Variants in SCN3B observed in about 807,000 individuals in gnomAD.
SCN3B encodes the protein sodium voltage-gated channel beta subunit 3, also known as sodium channel regulatory subunit beta-3.
A neutral mutation model predicts 25.4 loss-of-function variants in SCN3B; 11 were observed. The observed-to-expected ratio is 0.43, with a 90% CI of 0.27 to 0.72. The LOEUF (loss-of-function observed/expected upper bound fraction) is 0.72, where lower values mean the gene tolerates loss of function less well. Ranked by LOEUF, SCN3B falls within the 30% of genes least tolerant of loss-of-function variation. The probability of loss-of-function intolerance (pLI) is 0.18; values close to 1 mark genes in which losing one functional copy is unlikely to be tolerated. For synonymous variants in SCN3B, 109 were observed against 110.7 expected, an observed-to-expected ratio of 0.99 and a Z score of 0.09; for missense variants, 218 against 278.3, an observed-to-expected ratio of 0.78 and a Z score of 1.54.
rs1214314797 is a variant in SCN3B, at chr11:123,631,563, C to T, written c.*2236G>A. The T allele has an allele frequency of 6.6e-6, 1 of 152,188 alleles. No individual in the cohort carries two copies. The highest frequency in any genetic ancestry group is 1.5e-5 in the Non-Finnish European group (1 of 68,044). The allele number at this position is 152,188 out of a possible 1,614,324, so 9.4% of individuals were successfully genotyped here. A position where few individuals can be genotyped will look rare whatever the true frequency, so the allele number is the denominator to read the frequency against. Reference sequence around the variant, plus strand: ...TGGTTTTGGGCCAGGCACAGTTGCTCAGGCCTGTAATCCCAGCACTTTGAG... The same window carrying T: ...TGGTTTTGGGCCAGGCACAGTTGCTTAGGCCTGTAATCCCAGCACTTTGAG... On this transcript the variant is annotated 3_prime_UTR_variant, in exon 7 of 7. Transcript: ENST00000299333.
At chr11:123,639,831 T>C (rs1415386817) in intron 4 of SCN3B, 1 of 152,246 alleles carries the variant, frequency 6.6e-6, no homozygotes, top group East Asian at 1.9e-4. Context: ...TAAGTACTTA[T>C]TGAATGAGTG....
chr11:123,653,087 C>T (rs1565499441), intron 2 of SCN3B, among the ~76,000 whole-genome samples: 1 of 151,888 alleles, frequency 6.6e-6, no homozygotes, highest in Non-Finnish European at 1.5e-5. Flanking sequence ...GGCAAAAACC[C>T]AGCTCTCCTC....
chr11:123,644,838 T>TAC (rs1955835374), intron 3 of SCN3B, among the ~76,000 whole-genome samples: 7 of 126,336 alleles, frequency 5.5e-5, no homozygotes, highest in Admixed American at 1.6e-4. Context: ...TATATATATA[T>TAC]ATACACACAC....
intron 5 of SCN3B, among the ~76,000 whole-genome samples, chr11:123,637,591 C>T (rs1372066994): frequency 3.3e-5 from 5 of 152,228 alleles, no homozygotes; most frequent in African/African-American, 9.6e-5. Context: ...AGCAGTGGCA[C>T]GATCTCAGCT....
chr11:123,635,178 GT>G (rs1225416036), intron 5 of SCN3B, among the ~76,000 whole-genome samples: 2 of 152,264 alleles, frequency 1.3e-5, no homozygotes, highest in African/African-American at 4.8e-5. Flanking sequence ...ATCTAATTTT[GT>G]TTTGTGTTTT....
At chr11:123,649,196 A>C (rs1411684110) in intron 2 of SCN3B, among the ~76,000 whole-genome samples, 1 of 152,232 alleles carries the variant, frequency 6.6e-6, no homozygotes, top group Non-Finnish European at 1.5e-5. Context: ...ATCTTTGAAA[A>C]GGTGAGAGGT....
At chr11:123,645,482 A>T (rs1955844156) in intron 3 of SCN3B, 105 bp downstream of exon 3, 4 of 1,138,314 alleles carry the variant, frequency 3.5e-6, no homozygotes, top group Non-Finnish European at 5.3e-6. Flanking sequence ...TTTGGAAGAG[A>T]AGGAGCCAGT....
In SCN3B at chr11:123,631,018, C is replaced by T; in HGVS notation, c.*2781G>A. ...CTCAGTTTCTTCTTTTGTAATGTGA[C>T]CTCACAGGACCAGTTATAGAGAAGA... On this transcript the variant is annotated 3_prime_UTR_variant, in exon 7 of 7. Transcript: ENST00000299333. 1 of 152,124 alleles carries T rather than the reference C, an allele frequency of 6.6e-6. No individual in the cohort carries two copies. Among genetic ancestry groups the T allele is most frequent in the East Asian group, 1.9e-4 (1 of 5,188 alleles). The allele number at this position is 152,124 out of a possible 1,614,324, so 9.4% of individuals were successfully genotyped here. A position where few individuals can be genotyped will look rare whatever the true frequency, so the allele number is the denominator to read the frequency against.
intron 3 of SCN3B, among the ~76,000 whole-genome samples, chr11:123,644,369 A>G (rs1433991972): frequency 6.6e-6 from 1 of 152,238 alleles, no homozygotes; most frequent in East Asian, 1.9e-4. Flanking sequence ...AACATGTCCA[A>G]GGACACAGAG....
chr11:123,650,920 T>C (rs1955917841), intron 2 of SCN3B, among the ~76,000 whole-genome samples: 1 of 152,104 alleles, frequency 6.6e-6, no homozygotes, highest in Admixed American at 6.5e-5. Context: ...TATAGGGTTT[T>C]ATTTATTTAT....
intron 2 of SCN3B, among the ~76,000 whole-genome samples, chr11:123,650,341 T>C (rs940168482): frequency 6.6e-6 from 1 of 152,190 alleles, no homozygotes; most frequent in Non-Finnish European, 1.5e-5. Context: ...CTGAGATTGC[T>C]CTAGAATGCT....
chr11:123,633,969 C>T, intron 6 of SCN3B, 152 bp downstream of exon 6: 1 of 651,266 alleles, frequency 1.5e-6, no homozygotes, highest in Non-Finnish European at 2.8e-6. Flanking sequence ...AGCTTTCTGA[C>T]TTAAAGAATT....
chr11:123,634,001 G>A, intron 6 of SCN3B, 120 bp downstream of exon 6: 1 of 762,666 alleles, frequency 1.3e-6, no homozygotes. Flanking sequence ...GGGGACCCCA[G>A]GCAGGGTAGA....
At chr11:123,640,241 C>T (rs1565495242) in intron 4 of SCN3B, 1 of 152,362 alleles carries the variant, frequency 6.6e-6, no homozygotes, top group African/African-American at 2.4e-5. Flanking sequence ...TTAAAGCATG[C>T]TCTCTCTTTC....
At chr11:123,644,808 T>G (rs1196539842) in intron 3 of SCN3B, among the ~76,000 whole-genome samples, 27 of 56,720 alleles carry the variant, frequency 4.8e-4, no homozygotes, top group African/African-American at 2.4e-3. Context: ...AGAATATATA[T>G]ATATATATAT....
intron 3 of SCN3B, among the ~76,000 whole-genome samples, chr11:123,644,882 T>C (rs551402163): frequency 2.6e-4 from 39 of 148,728 alleles, no homozygotes; most frequent in Admixed American, 1.1e-3. Context: ...TATATATATA[T>C]ACACACACAT....
intron 3 of SCN3B, among the ~76,000 whole-genome samples, chr11:123,644,788 AGAGAGAGAGAGAATAT>A (rs1413094266): frequency 5.7e-5 from 6 of 104,898 alleles, no homozygotes; most frequent in African/African-American, 2.1e-4. Flanking sequence ...AGAGAGAGAG[AGAGAGAGAGAGAATAT>A]ATATATATAT....
chr11:123,637,219 G>C (rs920275929), intron 5 of SCN3B, among the ~76,000 whole-genome samples: 5 of 152,170 alleles, frequency 3.3e-5, no homozygotes, highest in Non-Finnish European at 7.4e-5. Flanking sequence ...CTAAGGTACA[G>C]GCTGGACTTT....
intron 4 of SCN3B, chr11:123,640,924 G>A (rs1238682741): frequency 1.3e-5 from 2 of 152,202 alleles, no homozygotes; most frequent in Non-Finnish European, 2.9e-5. Flanking sequence ...GAGGCTCTGT[G>A]GCTCTGATAA....
Sources: gnomAD v4.1 joint callset for allele counts (sites outside exome capture counted in the v4.1 genomes callset) on GRCh38, gnomAD v4.1.1 for gene constraint, MANE v1.5 for transcripts, NCBI Gene and HGNC (gene_info 2026-07-23, HGNC 2026-07-21) for gene names.